Variants in CEACAM19 observed in about 807,000 individuals in gnomAD.
The protein encoded by CEACAM19 is CEA cell adhesion molecule 19.
CEACAM19 carries 37 observed loss-of-function variants against 37.6 expected under a neutral mutation model. That is an observed-to-expected ratio of 0.98 (90% CI 0.76 to 1.29). CEACAM19 has a LOEUF of 1.29. Among genes scored for constraint, CEACAM19 ranks in the 50% most tolerant of loss-of-function variants. The pLI, the probability that CEACAM19 is intolerant of heterozygous loss-of-function variation, is 0.00. For synonymous variants in CEACAM19, 140 were observed against 149.8 expected, an observed-to-expected ratio of 0.93 and a Z score of 0.48; for missense variants, 340 against 375.6, an observed-to-expected ratio of 0.91 and a Z score of 0.78.
At position 44,676,430 on chromosome 19, in the gene CEACAM19, T is replaced by A; in HGVS notation, c.575+9T>A. The A allele has an allele frequency of 6.2e-7, 1 of 1,613,522 alleles. No homozygotes were observed. Among genetic ancestry groups the A allele is most frequent in the Non-Finnish European group, 8.5e-7 (1 of 1,179,754 alleles). ...AGGGGCCAGAGCCACAGGTACAGGG[T>A]CCCCAAGTGTCCCTCTCCTGTCTGC... On this transcript the variant is annotated intron_variant, in intron 3 of 7. Coordinates refer to ENST00000358777, the MANE Select transcript of CEACAM19 (RefSeq NM_001127893.3).
chr19:44,677,007 C>T (rs955109818), intron 3 of CEACAM19, among the ~76,000 whole-genome samples: 2 of 152,140 alleles, frequency 1.3e-5, no homozygotes, highest in South Asian at 2.1e-4. Context: ...TTTATATACT[C>T]GTCAACTCTG....
chr19:44,676,498 C>T, intron 3 of CEACAM19, 77 bp downstream of exon 3: 1 of 1,410,672 alleles, frequency 7.1e-7, no homozygotes, highest in African/African-American at 1.4e-5. Context: ...CCACAAGTCA[C>T]ATCATCCGGC....
upstream of CEACAM19, among the ~76,000 whole-genome samples, chr19:44,670,668 AAAAG>A (rs1366593461): frequency 6.6e-6 from 1 of 151,464 alleles, no homozygotes; most frequent in Non-Finnish European, 1.5e-5. Context: ...CAGCATCTAA[AAAAG>A]AAACCAATCC....
intron 4 of CEACAM19, among the ~76,000 whole-genome samples, chr19:44,679,727 C>T (rs975956024): frequency 3.3e-5 from 5 of 150,530 alleles, no homozygotes; most frequent in East Asian, 3.9e-4. Context: ...CCAGCCTGGG[C>T]GACAGAGCGA....
At chr19:44,671,410 G>T (rs984209118), upstream of CEACAM19, 3 of 368,148 alleles carry the variant, frequency 8.1e-6, no homozygotes, top group East Asian at 1.2e-4. Context: ...GTGAGCCACC[G>T]CACCCAGCCT....
intron 3 of CEACAM19, 164 bp from the exon 4 acceptor site, chr19:44,678,689 G>A: frequency 2.1e-6 from 2 of 966,654 alleles, no homozygotes; most frequent in Non-Finnish European, 2.9e-6. Flanking sequence ...GGGATTACAG[G>A]CATGAGCCAC....
chr19:44,668,314 TATTATATTTATATAATATGTTTATA>T (rs1217329913), upstream of CEACAM19, among the ~76,000 whole-genome samples: 64 of 70,100 alleles, frequency 9.1e-4, no homozygotes, highest in African/African-American at 5.4e-3. Context: ...GTTTATATAT[TATTATATTTATATAATATGTTTATA>T]ATATATATAA....
At chr19:44,670,808 A>AC (rs1973843171), upstream of CEACAM19, among the ~76,000 whole-genome samples, 1 of 141,672 alleles carries the variant, frequency 7.1e-6, no homozygotes, top group African/African-American at 2.9e-5. Flanking sequence ...AAAAAAAAAA[A>AC]AAACAGGCTG....
At chr19:44,683,408 T>G in intron 7 of CEACAM19, 29 bp from the exon 8 acceptor site, 1 of 1,291,832 alleles carries the variant, frequency 7.7e-7, no homozygotes, top group Non-Finnish European at 1.1e-6. Context: ...CACCCAGTCA[T>G]AATTCTGTTC....
chr19:44,676,216 C>A, intron 2 of CEACAM19, 55 bp from the exon 3 acceptor site: 1 of 1,560,750 alleles, frequency 6.4e-7, no homozygotes, highest in Non-Finnish European at 8.7e-7. Context: ...ACTGGGGGAG[C>A]CCTCAGGAGA....
At position 44,681,274 on chromosome 19, in the gene CEACAM19, T is replaced by TCC. The variant is rs753623469; in HGVS notation, c.758_759dup (p.Ile254ProfsTer8). 27 of 1,613,906 alleles carry TCC rather than the reference T, an allele frequency of 1.7e-5. No individual in the cohort carries two copies. The highest frequency in any genetic ancestry group is 2.3e-5 in the Non-Finnish European group (27 of 1,179,946). On this transcript the variant is annotated frameshift_variant, in exon 6 of 8. Coordinates refer to ENST00000358777, the MANE Select transcript of CEACAM19 (RefSeq NM_001127893.3). LOFTEE classifies it high-confidence loss of function. ...GATGCCCTCTCCAGTCCTCCTGGTG[T>TCC]CCCCCATCAGTGACACAAGGTCCAT...
chr19:44,678,807 T>C, intron 3 of CEACAM19, 46 bp from the exon 4 acceptor site: 5 of 1,604,788 alleles, frequency 3.1e-6, no homozygotes, highest in Non-Finnish European at 4.3e-6. Context: ...GATATTCTAC[T>C]GTCAATGCTT....
intron 6 of CEACAM19, among the ~76,000 whole-genome samples, chr19:44,682,152 A>G (rs113752604): frequency 2.3e-3 from 344 of 152,294 alleles, no homozygotes; most frequent in African/African-American, 7.8e-3. Flanking sequence ...AGGGAGGCTG[A>G]GGAGGGAGGA....
upstream of CEACAM19, among the ~76,000 whole-genome samples, chr19:44,669,632 G>A (rs1282741582): frequency 6.6e-6 from 1 of 151,988 alleles, no homozygotes; most frequent in Admixed American, 6.6e-5. Flanking sequence ...ACACCTTGAT[G>A]ACTATCTCAG....
intron 5 of CEACAM19, among the ~76,000 whole-genome samples, chr19:44,680,865 G>A (rs1817622661): frequency 6.6e-6 from 1 of 152,036 alleles, no homozygotes; most frequent in Non-Finnish European, 1.5e-5. Flanking sequence ...TCCTGCCTTA[G>A]CTTCACTCAC....
chr19:44,667,066 GC>G (rs1973726422), upstream of CEACAM19: 1 of 151,784 alleles, frequency 6.6e-6, no homozygotes, highest in Admixed American at 6.6e-5. Flanking sequence ...CAGCAGAGCT[GC>G]CCTGGACTCT....
At chr19:44,670,781 GAAAAAAAAAAAAAAAA>G (rs74691226), upstream of CEACAM19, among the ~76,000 whole-genome samples, 40 of 58,178 alleles carry the variant, frequency 6.9e-4, no homozygotes, top group South Asian at 1.5e-3. Flanking sequence ...CCTGTCTCAA[GAAAAAAAAAAAAAAAA>G]AAAAAAAAAA....
At chr19:44,673,024 G>A (rs1028028210) in intron 2 of CEACAM19, 60 bp downstream of exon 2, 11 of 1,352,348 alleles carry the variant, frequency 8.1e-6, no homozygotes, top group South Asian at 2.0e-5. Flanking sequence ...CAGCTACCAT[G>A]CACCAGGTGC....
At chr19:44,668,236 TATATA>T (rs1444687160), upstream of CEACAM19, among the ~76,000 whole-genome samples, 3 of 87,118 alleles carry the variant, frequency 3.4e-5, no homozygotes, top group Admixed American at 2.2e-4. Context: ...ATATTATATT[TATATA>T]ATATGTTTAT....
Sources: gnomAD v4.1 joint callset for allele counts (sites outside exome capture counted in the v4.1 genomes callset) on GRCh38, gnomAD v4.1.1 for gene constraint, MANE v1.5 for transcripts, NCBI Gene and HGNC (gene_info 2026-07-23, HGNC 2026-07-21) for gene names.